Variants in CCN6 observed in about 807,000 individuals in gnomAD.
The protein encoded by CCN6 is cellular communication network factor 6, also known as CCN family member 6.
Under a neutral mutation model 37.4 loss-of-function variants are expected in CCN6, and 31 were observed. The observed-to-expected ratio is 0.83, with a 90% CI of 0.62 to 1.12. The LOEUF (loss-of-function observed/expected upper bound fraction) is 1.12, where lower values mean the gene tolerates loss of function less well. Among genes scored for constraint, CCN6 ranks in the 50% most tolerant of loss-of-function variants. The probability of loss-of-function intolerance (pLI) is 0.00; values close to 1 mark genes in which losing one functional copy is unlikely to be tolerated. For missense variants in CCN6, 369 were observed against 413.8 expected, an observed-to-expected ratio of 0.89 and a Z score of 0.94; for synonymous variants, 137 against 142.1, an observed-to-expected ratio of 0.96 and a Z score of 0.26.
chr6:112,053,647 C>T (rs587621492), upstream of CCN6, among the ~76,000 whole-genome samples: 24 of 152,234 alleles, frequency 1.6e-4, no homozygotes, highest in African/African-American at 4.3e-4. Flanking sequence ...AAAGAGGCGT[C>T]TCTCAGGCCA....
intron 4 of CCN6, 79 bp downstream of exon 4, chr6:112,068,477 G>A: frequency 7.6e-7 from 1 of 1,314,682 alleles, no homozygotes; most frequent in Non-Finnish European, 1.1e-6. Context: ...TTGGAGGGTG[G>A]GATGGTGTTT....
Position 112,068,414 on chromosome 6 carries a change from AT to A in CCN6, c.783+19del. On this transcript the variant is annotated intron_variant, in intron 4 of 4. Coordinates refer to ENST00000368666, the MANE Select transcript of CCN6 (RefSeq NM_198239.2). ...GACAATAAAGGTAAAGTTTAAATAT[AT>A]TTAACTTAATTCAATATTAAGAGAT... 6.3e-7 allele frequency: 1 copy of A among 1,584,448 alleles called. No individual in the cohort carries two copies. Among genetic ancestry groups the A allele is most frequent in the Non-Finnish European group, 8.6e-7 (1 of 1,163,012 alleles).
At chr6:112,054,442 C>T in intron 1 of CCN6, 37 bp downstream of exon 1, 1 of 1,595,844 alleles carries the variant, frequency 6.3e-7, no homozygotes, top group Non-Finnish European at 8.6e-7. Flanking sequence ...CTTCCGGAGG[C>T]TATGGCCATC....
At chr6:112,067,270 C>A (rs587765182) in intron 3 of CCN6, among the ~76,000 whole-genome samples, 89 of 152,098 alleles carry the variant, frequency 5.9e-4, no homozygotes, top group African/African-American at 2.1e-3. Flanking sequence ...CAACCATACT[C>A]CCAAAGCATC....
rs1005043740 is a variant in CCN6, at chr6:112,068,065, T to C, written c.590-140T>C. On this transcript the variant is annotated intron_variant, in intron 3 of 4. Coordinates refer to ENST00000368666, the MANE Select transcript of CCN6 (RefSeq NM_198239.2). ...GAAAGAGGGAGATAGAGTGATAAAT[T>C]AGACCATCGGCTTCTTTTATTCTGA... is the stretch of plus-strand genomic sequence containing the variant. 3.4e-4 allele frequency: 240 copies of C among 700,754 alleles called. 1 individual carries two copies. Among genetic ancestry groups the C allele is most frequent in the Middle Eastern group, 4.1e-4 (1 of 2,426 alleles). The allele number at this position is 700,754 out of a possible 1,614,324, so 43.4% of individuals were successfully genotyped here. A position where few individuals can be genotyped will look rare whatever the true frequency, so the allele number is the denominator to read the frequency against.
chr6:112,063,638 T>C (rs905867551), intron 2 of CCN6, among the ~76,000 whole-genome samples: 2 of 152,248 alleles, frequency 1.3e-5, no homozygotes, highest in African/African-American at 2.4e-5. Context: ...CCTTGAAATC[T>C]TGAATTCTCG....
At chr6:112,063,759 C>T (rs1182335010) in intron 2 of CCN6, among the ~76,000 whole-genome samples, 3 of 152,154 alleles carry the variant, frequency 2.0e-5, no homozygotes, top group African/African-American at 7.2e-5. Flanking sequence ...AGTTTATCAT[C>T]AGTCATTTCT....
At chr6:112,060,889 C>A in intron 1 of CCN6, 102 bp from the exon 2 acceptor site, 1 of 1,360,860 alleles carries the variant, frequency 7.3e-7, no homozygotes. Context: ...ATGATTGTAA[C>A]TCACCACTCT....
At chr6:112,062,629 G>T (rs1027658062) in intron 2 of CCN6, among the ~76,000 whole-genome samples, 3 of 152,230 alleles carry the variant, frequency 2.0e-5, no homozygotes, top group Admixed American at 2.0e-4. Flanking sequence ...ATGACCTGAG[G>T]GTCAAATCTA....
In CCN6 at chr6:112,064,939, A is replaced by C; in HGVS notation, c.531A>C (p.Ser177=). The part of the protein sequence containing the change: ...GAKGGKKSDQ[S]NCSLEPLLQQ... ...AAGGTGGAAAGAAGTCTGATCAGTCAAACTGTAGCCTGGAACCATTACTAC... is the reference window on the plus strand; with the variant it reads ...AAGGTGGAAAGAAGTCTGATCAGTCCAACTGTAGCCTGGAACCATTACTAC... The change falls in exon 3 of 5, where the codon TCA becomes TCC. Residue 177 remains serine (S), a synonymous_variant. Coordinates refer to ENST00000368666, the MANE Select transcript of CCN6 (RefSeq NM_198239.2). 1 of 1,614,074 alleles carries C rather than the reference A, an allele frequency of 6.2e-7. No homozygotes were observed. The highest frequency in any genetic ancestry group is 8.5e-7 in the Non-Finnish European group (1 of 1,179,944).
At position 112,061,188 on chromosome 6, in the gene CCN6, A is replaced by G. The variant is rs201942764; in HGVS notation, c.246A>G (p.Pro82=). The change falls in exon 2 of 5, where the codon CCA becomes CCG. Residue 82 remains proline, a synonymous_variant. Transcript: ENST00000368666. ...GCTGTAAAATCTGTGCCAAGCAACC[A>G]GGGGAAATCTGCAATGAAGCTGACC... is the stretch of plus-strand genomic sequence containing the variant. ...CGCCKICAKQ[P]GEICNEADLC... 9 of 1,614,202 alleles carry G rather than the reference A, an allele frequency of 5.6e-6. No individual in the cohort carries two copies. The East Asian group carries it at 2.0e-4, about 36-fold the overall frequency.
At chr6:112,065,065 T>C (rs1163744378) in intron 3 of CCN6, 68 bp downstream of exon 3, 2 of 1,605,320 alleles carry the variant, frequency 1.2e-6, no homozygotes, top group Non-Finnish European at 1.7e-6. Context: ...CTTTTACGTA[T>C]CATAGGTACT....
chr6:112,064,717 A>G (rs1554313498), intron 2 of CCN6, 38 bp from the exon 3 acceptor site: 1 of 1,613,598 alleles, frequency 6.2e-7, no homozygotes, highest in African/African-American at 1.3e-5. Flanking sequence ...ATCACAGATC[A>G]TGGCTTCTTT....
chr6:112,065,954 A>G (rs1259620411), intron 3 of CCN6, among the ~76,000 whole-genome samples: 2 of 152,214 alleles, frequency 1.3e-5, no homozygotes, highest in East Asian at 3.8e-4. Context: ...GAAATCAAGA[A>G]TGCCTTTTTC....
intron 1 of CCN6, among the ~76,000 whole-genome samples, chr6:112,055,057 T>A (rs1554311550): frequency 2.0e-5 from 3 of 152,166 alleles, no homozygotes. Flanking sequence ...GAAAACAAGG[T>A]GACTTAATTG....
At chr6:112,059,458 C>A (rs1173746294) in intron 1 of CCN6, among the ~76,000 whole-genome samples, 1 of 152,144 alleles carries the variant, frequency 6.6e-6, no homozygotes, top group Non-Finnish European at 1.5e-5. Context: ...TGGACCATGA[C>A]CCATTTCAGC....
intron 2 of CCN6, among the ~76,000 whole-genome samples, chr6:112,064,073 A>G (rs1173870301): frequency 6.6e-6 from 1 of 152,216 alleles, no homozygotes; most frequent in East Asian, 1.9e-4. Flanking sequence ...TTACCTCTAC[A>G]GTTTGATTCA....
At position 112,068,349 on chromosome 6, in the gene CCN6, G is replaced by T. The variant is rs146519527; in HGVS notation, c.734G>T (p.Arg245Ile). 3 of 1,612,988 alleles carry T rather than the reference G, an allele frequency of 1.9e-6. No individual in the cohort carries two copies. The African/African-American group carries it at 4.0e-5, about 22-fold the overall frequency. Residue 245 changes from arginine (R) to isoleucine (I), a missense_variant, in exon 4 of 5, where the codon AGA (arginine) becomes ATA (isoleucine). By Grantham distance (97) the Arg-to-Ile change is moderately conservative (BLOSUM62 -3). Coordinates refer to ENST00000368666, the MANE Select transcript of CCN6 (RefSeq NM_198239.2). Reference sequence around the variant, plus strand: ...AACTGTGAAATGAGAAAAGAGAAAAGACTGTGTTACATTCAGCCTTGCGAC... The same window carrying T: ...AACTGTGAAATGAGAAAAGAGAAAATACTGTGTTACATTCAGCCTTGCGAC... The part of the protein sequence containing the change: ...NSNCEMRKEK[R>I]LCYIQPCDSN...
rs1462492508 is a variant in CCN6, at chr6:112,054,422, G to A, written c.48+17G>A. The A allele has an allele frequency of 1.9e-6, 3 of 1,611,202 alleles. No individual in the cohort carries two copies. Among genetic ancestry groups the A allele is most frequent in the Non-Finnish European group, 2.5e-6 (3 of 1,178,570 alleles). On this transcript the variant is annotated intron_variant, in intron 1 of 4. Transcript: ENST00000368666. Reference sequence around the variant, plus strand: ...CTGGCACAGGTAAGTCCTCTCCCCCGACTCTTTCCCTTCCGGAGGCTATGG... The same window carrying A: ...CTGGCACAGGTAAGTCCTCTCCCCCAACTCTTTCCCTTCCGGAGGCTATGG...
Sources: allele counts gnomAD v4.1 joint callset (sites outside exome capture counted in the v4.1 genomes callset), GRCh38; gene constraint gnomAD v4.1.1; transcripts MANE v1.5; gene names NCBI Gene and HGNC (gene_info 2026-07-23, HGNC 2026-07-21).